ADGRF3: variants seen among roughly 807,000 people sequenced by gnomAD.
The protein encoded by ADGRF3 is G protein-coupled receptor 113.
In ADGRF3, 85 loss-of-function variants were observed where a neutral mutation model predicts 93.2. That is an observed-to-expected ratio of 0.91 (90% CI 0.77 to 1.09). The LOEUF (loss-of-function observed/expected upper bound fraction) is 1.09, where lower values mean the gene tolerates loss of function less well. Ranked by LOEUF, ADGRF3 falls within the 50% of genes least tolerant of loss-of-function variation. The pLI is 0.00. For synonymous variants in ADGRF3, 534 were observed against 532.5 expected (o/e 1.00, Z -0.04); for missense variants, 1,125 against 1,246.2 (o/e 0.90, Z 1.46).
intron 1 of ADGRF3, chr2:26,340,387 T>C (rs942062357): frequency 3.9e-5 from 6 of 152,222 alleles, no homozygotes; most frequent in Admixed American, 3.3e-4. Flanking sequence ...CTTAGGATTT[T>C]TTTTTTCTCC....
At chr2:26,330,834 C>T (rs1334789467) in intron 1 of ADGRF3, among the ~76,000 whole-genome samples, 1 of 152,136 alleles carries the variant, frequency 6.6e-6, no homozygotes, top group Non-Finnish European at 1.5e-5. Flanking sequence ...AGCTCACCAC[C>T]AGTTCGGTGG....
chr2:26,317,461 C>T lies in ADGRF3; in HGVS notation c.181+35G>A, dbSNP rs200973722. On this transcript the variant is annotated intron_variant, in intron 2 of 13. Transcript: ENST00000651242. ...CCACCTCATTCCCAGCTCCCATCTC[C>T]TCCCCCTCCCTCCTCCTCCTGTCCA... 384 of 1,558,370 alleles carry T rather than the reference C, an allele frequency of 2.5e-4. 1 individual carries two copies. The African/African-American group carries it at 4.3e-3, about 17-fold the overall frequency.
At chr2:26,335,131 ACTAC>A (rs1300756293) in intron 1 of ADGRF3, among the ~76,000 whole-genome samples, 1 of 152,198 alleles carries the variant, frequency 6.6e-6, no homozygotes, top group Admixed American at 6.5e-5. Flanking sequence ...AATCTTCATC[ACTAC>A]CTAATTCCAG....
rs184509502 is a variant in ADGRF3 at position 26,321,928 on chromosome 2, G to A, written c.115-4366C>T. The stretch of plus-strand genomic sequence containing the variant: ...GTGGAGGTTGCAGTGAGCTGAGATC[G>A]TGCCATTGCACTCCAGCCTGGGTGA... On this transcript the variant is annotated intron_variant, in intron 1 of 13. Coordinates refer to ENST00000651242, the MANE Select transcript of ADGRF3 (RefSeq NM_001321971.2). Among the ~76,000 whole-genome samples, 995 of 141,766 alleles carry A rather than the reference G, an allele frequency of 7.0e-3. 2 individuals are homozygous for A. The highest frequency in any genetic ancestry group is 0.031 in the Middle Eastern group (7 of 226). The allele number at this position is 141,766 out of a possible 152,430, so 93.0% of individuals were successfully genotyped here.
At chr2:26,309,269 G>A in intron 13 of ADGRF3, 162 bp from the exon 14 acceptor site, 1 of 1,572,706 alleles carries the variant, frequency 6.4e-7, no homozygotes, top group Non-Finnish European at 8.6e-7. Flanking sequence ...GAGAAACCAA[G>A]TCAAGGACTG....
At chr2:26,320,636 G>A (rs573434107) in intron 1 of ADGRF3, among the ~76,000 whole-genome samples, 5 of 152,218 alleles carry the variant, frequency 3.3e-5, no homozygotes, top group Admixed American at 6.5e-5. Flanking sequence ...ATTATATTAA[G>A]TATTAAAAGT....
intron 11 of ADGRF3, 21 bp from the exon 12 acceptor site, chr2:26,310,126 C>G: frequency 6.2e-7 from 1 of 1,614,044 alleles, no homozygotes; most frequent in Non-Finnish European, 8.5e-7. Context: ...GGTAAATGCT[C>G]TGCTTATGCC....
At chr2:26,320,122 G>A (rs947982127) in intron 1 of ADGRF3, among the ~76,000 whole-genome samples, 1 of 152,152 alleles carries the variant, frequency 6.6e-6, no homozygotes, top group Non-Finnish European at 1.5e-5. Context: ...AACAAAGGAA[G>A]TTTCTTCTAG....
At chr2:26,318,110 A>G (rs1025172809) in intron 1 of ADGRF3, 64 of 1,545,784 alleles carry the variant, frequency 4.1e-5, no homozygotes, top group Non-Finnish European at 5.2e-5. Context: ...TGGGGCAGGC[A>G]GGGAAGGGTC....
chr2:26,344,257 C>T (rs1228059919), intron 1 of ADGRF3, among the ~76,000 whole-genome samples: 2 of 152,154 alleles, frequency 1.3e-5, no homozygotes, highest in Non-Finnish European at 2.9e-5. Context: ...GATTCTCCTG[C>T]CTCAATAACC....
intron 1 of ADGRF3, among the ~76,000 whole-genome samples, chr2:26,334,125 G>T (rs989205742): frequency 6.6e-6 from 1 of 151,806 alleles, no homozygotes; most frequent in Non-Finnish European, 1.5e-5. Context: ...AATTTAAAGG[G>T]TTGTACCTGT....
chr2:26,313,509 G>A lies in ADGRF3; in HGVS notation c.1137C>T (p.His379=), dbSNP rs372322637. Residue 379 remains histidine (H), a synonymous_variant, in exon 8 of 14, where the codon CAC becomes CAT. Coordinates refer to ENST00000651242, the MANE Select transcript of ADGRF3 (RefSeq NM_001321971.2). The part of the protein sequence containing the change: ...VLTWNVTKAG[H]VAQAPCPESK... ...TCTCAGGACATGGGGCCTGTGCCAC[G>A]TGGCCAGCCTTGGTGACATTCCAGG... The A allele has an allele frequency of 6.8e-6, 11 of 1,611,718 alleles. No individual in the cohort carries two copies. The highest frequency in any genetic ancestry group is 2.7e-5 in the African/African-American group (2 of 74,894).
In ADGRF3 at chr2:26,311,735, G is replaced by A. The variant is rs1407343270; in HGVS notation, c.1789C>T (p.Leu597Phe). 6.2e-7 allele frequency: 1 copy of A among 1,613,390 alleles called. No homozygotes were observed. The highest frequency in any genetic ancestry group is 1.3e-5 in the African/African-American group (1 of 74,924). ...CCTTGTCCATAGTTTGAGGGCAGAA[G>A]GTGGTCCAGTTTTCGCAGCACCAGG... ...TSLVLRKLDHLLPSNYGQGLG... is the reference protein window; with the variant it reads ...TSLVLRKLDHFLPSNYGQGLG... Residue 597 changes from leucine to phenylalanine, a missense_variant, in exon 10 of 14, where the codon CTT (leucine) becomes TTT (phenylalanine). Coordinates refer to ENST00000651242, the MANE Select transcript of ADGRF3 (RefSeq NM_001321971.2).
rs778703078 is a variant in ADGRF3 at position 26,309,108 on chromosome 2, C to T, written c.2994-1G>A. The stretch of plus-strand genomic sequence containing the variant: ...GGTTCACTCTGAAGCATCTGTCTTC[C>T]TGTGAAAGAGCTTGCGGCTGGTGAG... On this transcript the variant is annotated splice_acceptor_variant, in intron 13 of 13. Coordinates refer to ENST00000651242, the MANE Select transcript of ADGRF3 (RefSeq NM_001321971.2). LOFTEE classifies it high-confidence loss of function. 6.2e-7 allele frequency: 1 copy of T among 1,614,016 alleles called. No individual in the cohort carries two copies. The highest frequency in any genetic ancestry group is 2.2e-5 in the East Asian group (1 of 44,892).
chr2:26,316,179 C>T, intron 4 of ADGRF3, 96 bp downstream of exon 4: 1 of 1,305,710 alleles, frequency 7.7e-7, no homozygotes, highest in Non-Finnish European at 1.0e-6. Flanking sequence ...TGTGCTTGGA[C>T]CAGCTGGCCA....
chr2:26,345,150 G>A (rs1456497565), intron 1 of ADGRF3, among the ~76,000 whole-genome samples: 2 of 152,114 alleles, frequency 1.3e-5, no homozygotes, highest in Non-Finnish European at 2.9e-5. Context: ...ATCTGAAAAA[G>A]GGGATAATGC....
chr2:26,319,048 A>T, intron 1 of ADGRF3: 1 of 1,549,830 alleles, frequency 6.5e-7, no homozygotes, highest in Non-Finnish European at 8.7e-7. Flanking sequence ...CGAACAGACC[A>T]TGGCTCAGTG....
chr2:26,346,044 G>A, intron 1 of ADGRF3, 77 bp downstream of exon 1: 3 of 1,427,318 alleles, frequency 2.1e-6, no homozygotes, highest in South Asian at 1.3e-5. Flanking sequence ...AGCGTGGGCT[G>A]CGCTTGCGCA....
Position 26,311,103 on chromosome 2 carries a change from G to C in ADGRF3, c.2421C>G (p.His807Gln), listed in dbSNP as rs764784135. The change falls in exon 10 of 14, where the codon CAC becomes CAG. Residue 807 changes from histidine to glutamine, a missense_variant. Coordinates refer to ENST00000651242, the MANE Select transcript of ADGRF3 (RefSeq NM_001321971.2). ...VLAHQLLFVF[H>Q]QLAKHRVLPL... is the part of the protein sequence containing the mutation. The stretch of plus-strand genomic sequence containing the variant: ...GGAGAACTCGGTGCTTTGCCAGCTG[G>C]TGAAAGACAAAGAGCAGCTGGTGGG... 6.2e-7 allele frequency: 1 copy of C among 1,600,332 alleles called. No homozygotes were observed. The highest frequency in any genetic ancestry group is 2.3e-5 in the East Asian group (1 of 44,110).
Sources: gnomAD v4.1 joint callset for allele counts (sites outside exome capture counted in the v4.1 genomes callset) on GRCh38, gnomAD v4.1.1 for gene constraint, MANE v1.5 for transcripts, NCBI Gene and HGNC (gene_info 2026-07-23, HGNC 2026-07-21) for gene names.